CSMD1: variants seen among roughly 807,000 people sequenced by gnomAD.
The protein encoded by CSMD1 is CUB and Sushi multiple domains 1.
CSMD1 carries 213 observed loss-of-function variants against 417.5 expected under a neutral mutation model. That is an observed-to-expected ratio of 0.51 (90% confidence interval 0.46 to 0.57). CSMD1 has a LOEUF of 0.57. Among genes scored for constraint, CSMD1 ranks in the 20% least tolerant of loss-of-function variants. The pLI is 0.00. For missense variants in CSMD1, 6,923 were observed against 4,529.7 expected, an observed-to-expected ratio of 1.53 and a Z score of -15.17; for synonymous variants, 2,862 against 1,736.8, an observed-to-expected ratio of 1.65 and a Z score of -16.11.
intron 7 of CSMD1, among the ~76,000 whole-genome samples, chr8:3,691,816 A>T (rs1800260498): frequency 6.6e-6 from 1 of 152,200 alleles, no homozygotes; most frequent in African/African-American, 2.4e-5. Flanking sequence ...AGTTTCAGTG[A>T]TCTAAAAATA....
At chr8:3,500,888 G>T (rs899395295) in intron 10 of CSMD1, among the ~76,000 whole-genome samples, 1 of 152,158 alleles carries the variant, frequency 6.6e-6, no homozygotes, top group Admixed American at 6.5e-5. Flanking sequence ...CATGGATGAA[G>T]AGAAGTAAGA....
intron 2 of CSMD1, among the ~76,000 whole-genome samples, chr8:4,430,162 A>G (rs1226560515): frequency 6.6e-6 from 1 of 152,212 alleles, no homozygotes; most frequent in Admixed American, 6.5e-5. Flanking sequence ...GTCAGAATCT[A>G]TCCTACGTGT....
At chr8:3,598,065 G>A (rs1223252937) in intron 8 of CSMD1, among the ~76,000 whole-genome samples, 1 of 152,080 alleles carries the variant, frequency 6.6e-6, no homozygotes, top group Non-Finnish European at 1.5e-5. Flanking sequence ...TCTTAATACA[G>A]TTTATTTTTC....
At chr8:3,710,212 T>C (rs1297502183) in intron 6 of CSMD1, among the ~76,000 whole-genome samples, 3 of 152,190 alleles carry the variant, frequency 2.0e-5, no homozygotes, top group Non-Finnish European at 4.4e-5. Flanking sequence ...AATGCTTCTA[T>C]ACATTCATTG....
rs529491749 is a variant in CSMD1, at chr8:4,604,008, A to G, written c.302+33334T>C. Among the ~76,000 whole-genome samples the G allele has an allele frequency of 2.6e-4, 39 of 152,272 alleles. No homozygotes were observed. The South Asian group carries it at 7.3e-3, about 28-fold the overall frequency. On this transcript the variant is annotated intron_variant, in intron 2 of 69. Coordinates refer to ENST00000635120, the MANE Select transcript of CSMD1 (RefSeq NM_033225.6). The stretch of plus-strand genomic sequence containing the variant: ...TTATAATCTATTCACTATAAAAAGA[A>G]TTTTATATAGAAACTGGAAAGATAT...
chr8:4,956,535 A>G (rs1327418645), intron 1 of CSMD1, among the ~76,000 whole-genome samples: 1 of 149,264 alleles, frequency 6.7e-6, no homozygotes, highest in Non-Finnish European at 1.5e-5. Flanking sequence ...AATATATTAT[A>G]AAATATATGT....
chr8:3,826,436 G>C (rs979700094), intron 5 of CSMD1, among the ~76,000 whole-genome samples: 1 of 152,058 alleles, frequency 6.6e-6, no homozygotes, highest in African/African-American at 2.4e-5. Flanking sequence ...CGCTCTTCTG[G>C]GCTTCCCTTG....
At chr8:4,742,841 A>G (rs992960195) in intron 1 of CSMD1, among the ~76,000 whole-genome samples, 1 of 152,206 alleles carries the variant, frequency 6.6e-6, no homozygotes, top group Admixed American at 6.5e-5. Context: ...TATATATCAA[A>G]TTGCAGTTAC....
intron 2 of CSMD1, among the ~76,000 whole-genome samples, chr8:4,520,183 C>T (rs1803363295): frequency 6.6e-6 from 1 of 152,104 alleles, no homozygotes; most frequent in African/African-American, 2.4e-5. Flanking sequence ...TTTCCAAACT[C>T]ATAAAAATGC....
intron 1 of CSMD1, among the ~76,000 whole-genome samples, chr8:4,814,979 A>G (rs1333377792): frequency 5.9e-5 from 9 of 152,176 alleles, no homozygotes. Flanking sequence ...CTCATATTTC[A>G]TAAATCATTT....
intron 2 of CSMD1, among the ~76,000 whole-genome samples, chr8:4,426,849 T>A (rs572381709): frequency 6.6e-6 from 1 of 151,368 alleles, no homozygotes; most frequent in African/African-American, 2.4e-5. Flanking sequence ...TTATGTACTA[T>A]ATTATAGCAG....
chr8:4,785,898 G>T (rs898029211), intron 1 of CSMD1, among the ~76,000 whole-genome samples: 3 of 152,058 alleles, frequency 2.0e-5, no homozygotes, highest in Non-Finnish European at 4.4e-5. Context: ...AACCCAAACA[G>T]TGACAGCACC....
At chr8:3,299,401 A>C (rs1804215560) in intron 25 of CSMD1, among the ~76,000 whole-genome samples, 1 of 152,160 alleles carries the variant, frequency 6.6e-6, no homozygotes, top group African/African-American at 2.4e-5. Context: ...GCAGTGAGCC[A>C]AGATCACGCT....
intron 3 of CSMD1, among the ~76,000 whole-genome samples, chr8:4,119,887 C>T (rs1802381858): frequency 6.6e-6 from 1 of 152,122 alleles, no homozygotes. Flanking sequence ...AAGTACAGGA[C>T]AGTTGCCGGA....
intron 5 of CSMD1, among the ~76,000 whole-genome samples, chr8:3,914,996 C>G (rs146593505): frequency 6.6e-6 from 1 of 152,136 alleles, no homozygotes; most frequent in African/African-American, 2.4e-5. Context: ...ACAGCCTTCA[C>G]ACACATACAA....
chr8:4,339,051 C>T lies in CSMD1; in HGVS notation c.415+80902G>A, dbSNP rs571241334. ...AATTGCTGTAGAGCCTCAAATCTAC[C>T]GGGAACTATTGCTTGGGTAGTAGAG... On this transcript the variant is annotated intron_variant, in intron 3 of 69. Transcript: ENST00000635120. Among the ~76,000 whole-genome samples, 11 of 152,130 alleles carry T rather than the reference C, an allele frequency of 7.2e-5. No individual in the cohort carries two copies. In the South Asian group the frequency reaches 1.7e-3, roughly 23 times the overall value.
intron 5 of CSMD1, among the ~76,000 whole-genome samples, chr8:3,971,431 C>G (rs772370620): frequency 2.6e-5 from 4 of 152,070 alleles, no homozygotes; most frequent in Non-Finnish European, 4.4e-5. Flanking sequence ...TTTTGGCCCT[C>G]TCTATAAGCT....
At chr8:4,911,607 GC>G (rs2117091958) in intron 1 of CSMD1, among the ~76,000 whole-genome samples, 1 of 152,264 alleles carries the variant, frequency 6.6e-6, no homozygotes, top group South Asian at 2.1e-4. Flanking sequence ...CCTGACAGAA[GC>G]GTTTAACTTC....
At chr8:3,069,168 A>G (rs935942137) in intron 49 of CSMD1, among the ~76,000 whole-genome samples, 1 of 152,068 alleles carries the variant, frequency 6.6e-6, no homozygotes, top group Admixed American at 6.6e-5. Flanking sequence ...GGGCGCAGTG[A>G]CTCACACCTG....
Sources: allele counts gnomAD v4.1 joint callset (sites outside exome capture counted in the v4.1 genomes callset), GRCh38; gene constraint gnomAD v4.1.1; transcripts MANE v1.5; gene names NCBI Gene and HGNC (gene_info 2026-07-23, HGNC 2026-07-21).